EMCN: variants seen among roughly 807,000 people sequenced by gnomAD.
The protein encoded by EMCN is MUC-14.
A neutral mutation model predicts 38.4 loss-of-function variants in EMCN; 37 were observed. The ratio of observed to expected loss-of-function variants is 0.96; its 90% CI spans 0.74 to 1.27. The LOEUF (loss-of-function observed/expected upper bound fraction) is 1.27. EMCN is among the 50% of genes most tolerant of loss of function. The pLI is 0.00. For synonymous variants in EMCN, 95 were observed against 100.8 expected (o/e 0.94, Z 0.35); for missense variants, 318 against 302.8 (o/e 1.05, Z -0.37).
At chr4:100,410,488 T>G in intron 10 of EMCN, 133 bp from the exon 11 acceptor site, 2 of 799,648 alleles carry the variant, frequency 2.5e-6, no homozygotes, top group Non-Finnish European at 4.1e-6. Flanking sequence ...AGCCACCATT[T>G]GCCTCTTGGT....
At chr4:100,489,749 C>A (rs79669389) in intron 1 of EMCN, among the ~76,000 whole-genome samples, 3,895 of 152,188 alleles carry the variant, frequency 0.026, 69 homozygotes, top group Non-Finnish European at 0.041. Context: ...CAACCAAATG[C>A]GGTATTTCTG....
intron 10 of EMCN, among the ~76,000 whole-genome samples, chr4:100,411,872 T>A (rs1433518826): frequency 6.6e-6 from 1 of 152,174 alleles, no homozygotes; most frequent in Non-Finnish European, 1.5e-5. Flanking sequence ...GAGACAAATA[T>A]TGACGGGCTG....
intron 11 of EMCN, among the ~76,000 whole-genome samples, chr4:100,399,208 T>C (rs2110201976): frequency 6.6e-6 from 1 of 152,304 alleles, no homozygotes; most frequent in East Asian, 1.9e-4. Context: ...TATTGGTCTA[T>C]AAAAGAGCAA....
intron 4 of EMCN, among the ~76,000 whole-genome samples, chr4:100,451,653 T>C (rs750809790): frequency 2.6e-5 from 4 of 152,080 alleles, no homozygotes; most frequent in African/African-American, 4.8e-5. Flanking sequence ...AAGTGTGGTA[T>C]AGTGAAAGGT....
rs528615481 is a variant in EMCN at position 100,462,712 on chromosome 4, G to A, written c.376+2711C>T. Among the ~76,000 whole-genome samples the A allele has an allele frequency of 7.2e-5, 11 of 152,122 alleles. No homozygotes were observed. In the South Asian group the frequency reaches 1.5e-3, roughly 20 times the overall value. The stretch of plus-strand genomic sequence containing the variant: ...ATCAGAAACCAAACCACTACTACAC[G>A]AAAATGTTATCCATATGAAGAAGAG... On this transcript the variant is annotated intron_variant, in intron 4 of 11. Transcript: ENST00000296420.
At chr4:100,496,670 G>T (rs1342481984) in intron 1 of EMCN, among the ~76,000 whole-genome samples, 1 of 152,126 alleles carries the variant, frequency 6.6e-6, no homozygotes, top group Non-Finnish European at 1.5e-5. Flanking sequence ...CTTGAACCTT[G>T]CTCTCTTGAT....
chr4:100,507,966 G>GA (rs2110307761), intron 1 of EMCN, among the ~76,000 whole-genome samples: 1 of 152,154 alleles, frequency 6.6e-6, no homozygotes, highest in South Asian at 2.1e-4. Flanking sequence ...ATCCCTAACT[G>GA]AAAAATCTCT....
At position 100,411,970 on chromosome 4, in the gene EMCN, A is replaced by G. The variant is rs141992364; in HGVS notation, c.752-1615T>C. ...CTGTGGTTTTTTTTTGTTGTTAATGAACTTTTACTTGTAAAAATAAATAAG... is the reference window on the plus strand; with the variant it reads ...CTGTGGTTTTTTTTTGTTGTTAATGGACTTTTACTTGTAAAAATAAATAAG... On this transcript the variant is annotated intron_variant, in intron 10 of 11. Coordinates refer to ENST00000296420, the MANE Select transcript of EMCN (RefSeq NM_016242.4). 9.1e-4 allele frequency among the ~76,000 whole-genome samples: 139 copies of G among 152,232 alleles called. 1 individual carries two copies. The Middle Eastern group carries it at 0.017, about 19-fold the overall frequency.
chr4:100,500,124 C>G (rs1729309897), intron 1 of EMCN, among the ~76,000 whole-genome samples: 1 of 152,062 alleles, frequency 6.6e-6, no homozygotes, highest in African/African-American at 2.4e-5. Context: ...TTGTTATTGT[C>G]ACAAAACACA....
intron 4 of EMCN, among the ~76,000 whole-genome samples, chr4:100,458,051 G>A (rs527856137): frequency 6.6e-6 from 1 of 152,118 alleles, no homozygotes; most frequent in East Asian, 1.9e-4. Context: ...GGGAGGTGGA[G>A]TTTGCAGTGA....
chr4:100,487,458 A>G (rs1728969912), intron 1 of EMCN, among the ~76,000 whole-genome samples: 2 of 152,224 alleles, frequency 1.3e-5, no homozygotes, highest in Admixed American at 1.3e-4. Context: ...AGGGGAAAGT[A>G]GGAGAGGATG....
Position 100,517,936 on chromosome 4 carries a change from T to C in EMCN, c.-22A>G, listed in dbSNP as rs963677848. On this transcript the variant is annotated 5_prime_UTR_variant, in exon 1 of 12. It adds an upstream start codon to the 5' untranslated region. Coordinates refer to ENST00000296420, the MANE Select transcript of EMCN (RefSeq NM_016242.4). ...CCATGGTGCCCGTAGATGGTGTCAATATCTTCTTTCTCCAGAAGCAGGCAG... is the reference window on the plus strand; with the variant it reads ...CCATGGTGCCCGTAGATGGTGTCAACATCTTCTTTCTCCAGAAGCAGGCAG... 1 of 1,611,328 alleles carries C rather than the reference T, an allele frequency of 6.2e-7. No homozygotes were observed. The highest frequency in any genetic ancestry group is 8.5e-7 in the Non-Finnish European group (1 of 1,178,014).
chr4:100,438,773 TGA>T (rs1212435355), intron 5 of EMCN, among the ~76,000 whole-genome samples: 1 of 151,992 alleles, frequency 6.6e-6, no homozygotes, highest in African/African-American at 2.4e-5. Flanking sequence ...CCTAAACTGT[TGA>T]GAGTTTTTTT....
intron 5 of EMCN, among the ~76,000 whole-genome samples, chr4:100,442,727 A>G (rs956283302): frequency 6.6e-6 from 1 of 151,630 alleles, no homozygotes; most frequent in Non-Finnish European, 1.5e-5. Flanking sequence ...GGTTCTTTTT[A>G]TATCTGTCTT....
intron 4 of EMCN, among the ~76,000 whole-genome samples, chr4:100,454,168 TATA>T (rs1383837456): frequency 1.4e-5 from 2 of 145,898 alleles, no homozygotes; most frequent in African/African-American, 5.1e-5. Context: ...AAACTTAAAG[TATA>T]ATAATAATAA....
At position 100,415,966 on chromosome 4, in the gene EMCN, GA is replaced by G. The variant is rs200913864; in HGVS notation, c.690-8del. On this transcript the variant is annotated splice_region_variant and splice_polypyrimidine_tract_variant and intron_variant, in intron 9 of 11. Transcript: ENST00000296420. ...CTCTTTATCAGACTGAGGTCTATTT[GA>G]AAAAAAAAACATGAAATTAACACCA... The G allele has an allele frequency of 5.0e-4, 681 of 1,354,366 alleles. No homozygotes were observed. Among genetic ancestry groups the G allele is most frequent in the South Asian group, 1.0e-3 (74 of 71,646 alleles). 83.9% of individuals were successfully genotyped at this position (1,354,366 alleles called of 1,614,324 possible). A position where few individuals can be genotyped will look rare whatever the true frequency, so the allele number is the denominator to read the frequency against.
At chr4:100,414,901 A>G (rs1387660819) in intron 10 of EMCN, among the ~76,000 whole-genome samples, 1 of 151,976 alleles carries the variant, frequency 6.6e-6, no homozygotes, top group Admixed American at 6.6e-5. Flanking sequence ...GGTTTTTTAT[A>G]TCTATATTTT....
intron 2 of EMCN, among the ~76,000 whole-genome samples, chr4:100,477,501 A>G (rs889916995): frequency 1.1e-4 from 17 of 152,216 alleles, no homozygotes; most frequent in African/African-American, 4.1e-4. Context: ...TTCAGTGATT[A>G]TGTTGCTGCA....
chr4:100,398,889 A>G (rs555712432), intron 11 of EMCN, among the ~76,000 whole-genome samples: 12 of 152,314 alleles, frequency 7.9e-5, no homozygotes, highest in Admixed American at 3.9e-4. Context: ...TGAGTCTTCC[A>G]AATTAAACAC....
Sources: gnomAD v4.1 joint callset for allele counts (sites outside exome capture counted in the v4.1 genomes callset) on GRCh38, gnomAD v4.1.1 for gene constraint, MANE v1.5 for transcripts, NCBI Gene and HGNC (gene_info 2026-07-23, HGNC 2026-07-21) for gene names.